The following CLSTN2 variants were observed in gnomAD, a reference collection of about 807,000 sequenced individuals.
CLSTN2 encodes the protein calsyntenin-2.
A neutral mutation model predicts 101.2 loss-of-function variants in CLSTN2; 48 were observed. That is an observed-to-expected ratio of 0.47 (90% CI 0.38 to 0.60). The LOEUF (loss-of-function observed/expected upper bound fraction) is 0.60, where lower values mean the gene tolerates loss of function less well. Among genes scored for constraint, CLSTN2 ranks in the 20% least tolerant of loss-of-function variants. The pLI, the probability that CLSTN2 is intolerant of heterozygous loss-of-function variation, is 0.00. For missense variants in CLSTN2, 1,160 were observed against 1,238.2 expected (o/e 0.94, Z 0.95); for synonymous variants, 481 against 463.6 (o/e 1.04, Z -0.48).
chr3:140,105,545 C>T (rs72984161), intron 1 of CLSTN2, among the ~76,000 whole-genome samples: 4,572 of 152,290 alleles, frequency 0.03, 206 homozygotes, highest in African/African-American at 0.099. Context: ...ACCTGGGCAT[C>T]TATATTAGGT....
chr3:140,010,870 A>G (rs1287315134), intron 1 of CLSTN2, among the ~76,000 whole-genome samples: 1 of 152,380 alleles, frequency 6.6e-6, no homozygotes, highest in Middle Eastern at 3.4e-3. Context: ...TTTGTCAATT[A>G]TAAAACAACT....
At chr3:140,217,508 A>G (rs373113307) in intron 2 of CLSTN2, among the ~76,000 whole-genome samples, 36 of 152,368 alleles carry the variant, frequency 2.4e-4, no homozygotes, top group East Asian at 1.7e-3. Context: ...CACATAAAAA[A>G]GTTTTGTTAA....
intron 8 of CLSTN2, among the ~76,000 whole-genome samples, chr3:140,503,648 T>C (rs543067353): frequency 5.9e-5 from 9 of 152,310 alleles, no homozygotes; most frequent in Admixed American, 5.2e-4. Flanking sequence ...GGGGCCATTA[T>C]CCTGACAACA....
chr3:140,034,268 T>C (rs990379204), intron 1 of CLSTN2, among the ~76,000 whole-genome samples: 3 of 152,106 alleles, frequency 2.0e-5, no homozygotes, highest in Non-Finnish European at 4.4e-5. Flanking sequence ...AAAGAGCAAA[T>C]GATTTTCAGA....
chr3:139,954,121 C>T (rs1457041749), intron 1 of CLSTN2, among the ~76,000 whole-genome samples: 1 of 152,112 alleles, frequency 6.6e-6, no homozygotes, highest in Admixed American at 6.5e-5. Flanking sequence ...TCTTCATCCC[C>T]CTCCAACCCT....
At chr3:140,223,823 T>G (rs1467235606) in intron 2 of CLSTN2, among the ~76,000 whole-genome samples, 1 of 152,184 alleles carries the variant, frequency 6.6e-6, no homozygotes, top group Admixed American at 6.5e-5. Context: ...AATGCTACAG[T>G]GCTCAGTGTT....
chr3:140,027,539 T>G (rs2007446063), intron 1 of CLSTN2, among the ~76,000 whole-genome samples: 1 of 152,172 alleles, frequency 6.6e-6, no homozygotes, highest in African/African-American at 2.4e-5. Context: ...TTTCTTTTGT[T>G]TCAAGCCTCC....
At chr3:140,244,552 G>A (rs922811963) in intron 2 of CLSTN2, among the ~76,000 whole-genome samples, 3 of 152,132 alleles carry the variant, frequency 2.0e-5, no homozygotes, top group African/African-American at 7.2e-5. Context: ...TTCAGTGTCT[G>A]GTTCATCTTT....
intron 1 of CLSTN2, among the ~76,000 whole-genome samples, chr3:140,047,179 A>G (rs998996046): frequency 3.3e-5 from 5 of 152,192 alleles, no homozygotes; most frequent in African/African-American, 7.2e-5. Context: ...CCACACATCA[A>G]TCTGAGCTAT....
chr3:140,525,511 G>T (rs1197535091), intron 8 of CLSTN2, among the ~76,000 whole-genome samples: 1 of 152,144 alleles, frequency 6.6e-6, no homozygotes. Flanking sequence ...GCAAAGAACT[G>T]ATACCAATCC....
At chr3:140,257,809 C>T (rs2086617097) in intron 2 of CLSTN2, among the ~76,000 whole-genome samples, 1 of 152,048 alleles carries the variant, frequency 6.6e-6, no homozygotes, top group Non-Finnish European at 1.5e-5. Context: ...TTAAAAATGG[C>T]ATTGTCATGA....
At chr3:139,952,070 A>G (rs138732907) in intron 1 of CLSTN2, among the ~76,000 whole-genome samples, 4 of 152,320 alleles carry the variant, frequency 2.6e-5, no homozygotes, top group African/African-American at 7.2e-5. Context: ...ATGCATTTTA[A>G]TATTTTGATT....
intron 2 of CLSTN2, among the ~76,000 whole-genome samples, chr3:140,308,037 C>T (rs1341957116): frequency 6.6e-6 from 1 of 152,190 alleles, no homozygotes; most frequent in African/African-American, 2.4e-5. Flanking sequence ...GGATGAACCA[C>T]AGCACCTCCT....
At chr3:140,207,787 T>C (rs1044066271) in intron 2 of CLSTN2, among the ~76,000 whole-genome samples, 2 of 152,142 alleles carry the variant, frequency 1.3e-5, no homozygotes, top group African/African-American at 2.4e-5. Flanking sequence ...CAGAACTGGT[T>C]CTGAAAAAAA....
At chr3:140,314,787 T>C (rs1364757372) in intron 2 of CLSTN2, among the ~76,000 whole-genome samples, 1 of 152,110 alleles carries the variant, frequency 6.6e-6, no homozygotes, top group Non-Finnish European at 1.5e-5. Context: ...CTCCCTATTT[T>C]ACTTACATCA....
intron 1 of CLSTN2, among the ~76,000 whole-genome samples, chr3:140,119,912 C>G (rs1188140719): frequency 6.8e-6 from 1 of 147,262 alleles, no homozygotes; most frequent in African/African-American, 2.7e-5. Flanking sequence ...CTCCATGAGC[C>G]TCAGTTTCAT....
chr3:139,956,168 T>A (rs1935391809), intron 1 of CLSTN2, among the ~76,000 whole-genome samples: 1 of 152,218 alleles, frequency 6.6e-6, no homozygotes, highest in African/African-American at 2.4e-5. Flanking sequence ...GTAGTGGTAT[T>A]AGGACGTGAA....
chr3:140,289,342 G>C (rs1232920839), intron 2 of CLSTN2, among the ~76,000 whole-genome samples: 1 of 147,244 alleles, frequency 6.8e-6, no homozygotes, highest in Non-Finnish European at 1.5e-5. Flanking sequence ...TTTTTTGTTT[G>C]TTTGTTTGTT....
chr3:140,452,429 C>T (rs980358711), intron 6 of CLSTN2: 2 of 152,318 alleles, frequency 1.3e-5, no homozygotes, highest in African/African-American at 2.4e-5. Context: ...TCTATGCACA[C>T]CAGGAGTCAG....
Sources: gnomAD v4.1 joint callset for allele counts (sites outside exome capture counted in the v4.1 genomes callset) on GRCh38, gnomAD v4.1.1 for gene constraint, MANE v1.5 for transcripts, NCBI Gene and HGNC (gene_info 2026-07-23, HGNC 2026-07-21) for gene names.